P3H2: variants seen among roughly 807,000 people sequenced by gnomAD.
P3H2 encodes prolyl 3-hydroxylase 2.
P3H2 carries 80 observed loss-of-function variants against 87.0 expected under a neutral mutation model. The observed-to-expected ratio is 0.92, with a 90% CI of 0.77 to 1.11. The LOEUF is 1.11. Among genes scored for constraint, P3H2 ranks in the 50% least tolerant of loss-of-function variants. The pLI is 0.00. For missense variants in P3H2, 1,001 were observed against 923.9 expected, an observed-to-expected ratio of 1.08 and a Z score of -1.08; for synonymous variants, 367 against 359.3, an observed-to-expected ratio of 1.02 and a Z score of -0.24.
intron 1 of P3H2, among the ~76,000 whole-genome samples, chr3:190,075,743 G>C (rs955714666): frequency 2.0e-5 from 3 of 152,098 alleles, no homozygotes; most frequent in Non-Finnish European, 4.4e-5. Context: ...TGTACTTAGG[G>C]TACCTGAAAA....
At chr3:190,110,808 A>T (rs561319558) in intron 1 of P3H2, among the ~76,000 whole-genome samples, 2 of 152,330 alleles carry the variant, frequency 1.3e-5, no homozygotes, top group South Asian at 4.1e-4. Context: ...AAATTGGCTC[A>T]AATTTCCTGT....
chr3:190,056,904 A>C (rs552145555), intron 1 of P3H2, among the ~76,000 whole-genome samples: 1 of 152,282 alleles, frequency 6.6e-6, no homozygotes, highest in African/African-American at 2.4e-5. Context: ...ATGCTTCCCA[A>C]GCCTCAACTG....
intron 8 of P3H2, among the ~76,000 whole-genome samples, 166 bp downstream of exon 8, chr3:189,982,880 A>C (rs1252401280): frequency 2.0e-5 from 3 of 151,128 alleles, no homozygotes; most frequent in Non-Finnish European, 4.4e-5. Flanking sequence ...CAAATCTAAG[A>C]CTTTTTTTTT....
intron 1 of P3H2, among the ~76,000 whole-genome samples, chr3:190,068,681 G>A (rs1450830602): frequency 6.6e-6 from 1 of 152,072 alleles, no homozygotes; most frequent in Non-Finnish European, 1.5e-5. Context: ...AGTAGACAGA[G>A]CTGTTTCCTA....
chr3:190,100,815 G>A (rs778864212), intron 1 of P3H2, among the ~76,000 whole-genome samples: 8 of 152,038 alleles, frequency 5.3e-5, no homozygotes, highest in Non-Finnish European at 1.0e-4. Context: ...TACCGCTTCT[G>A]ATTGTGCTTC....
intron 1 of P3H2, among the ~76,000 whole-genome samples, chr3:190,118,794 T>C (rs1235728437): frequency 6.6e-6 from 1 of 151,986 alleles, no homozygotes; most frequent in African/African-American, 2.4e-5. Context: ...TGTACTTTCA[T>C]CTCCTTAGAA....
intron 8 of P3H2, among the ~76,000 whole-genome samples, chr3:189,978,022 T>A (rs1723405948): frequency 6.6e-6 from 1 of 152,214 alleles, no homozygotes; most frequent in African/African-American, 2.4e-5. Flanking sequence ...AGACAGGCAT[T>A]CCCTCGAATA....
rs532689177 is a variant in P3H2, at chr3:190,035,604, T to C, written c.481-40162A>G. Among the ~76,000 whole-genome samples the C allele has an allele frequency of 9.8e-5, 15 of 152,334 alleles. No homozygotes were observed. The South Asian group carries it at 3.1e-3, about 32-fold the overall frequency. On this transcript the variant is annotated intron_variant, in intron 1 of 14. Transcript: ENST00000319332. ...TATATAGCAATTTTCTGTCACCCAT[T>C]AATAATCTTATGCGTTTTATTTTTT...
rs710543 is a variant in P3H2, at chr3:189,972,115, A to G, written c.1700-108T>C. 0.93 allele frequency: 696,886 copies of G among 750,242 alleles called. 323,998 individuals carry two copies. The highest frequency in any genetic ancestry group is 0.94 in the Non-Finnish European group (387,240 of 410,038). 46.5% of individuals were successfully genotyped at this position (750,242 alleles called of 1,614,324 possible). On this transcript the variant is annotated intron_variant, in intron 11 of 14. Coordinates refer to ENST00000319332, the MANE Select transcript of P3H2 (RefSeq NM_018192.4). ...GTCCTGATGATCTTTGCAAATGGGC[A>G]GAGGCAGACAACAGGAAAGAACAGA... is the stretch of plus-strand genomic sequence containing the variant.
chr3:190,090,441 C>G (rs192090797), intron 1 of P3H2, among the ~76,000 whole-genome samples: 1 of 152,152 alleles, frequency 6.6e-6, no homozygotes, highest in Admixed American at 6.5e-5. Context: ...CGGTGGCTCA[C>G]GCCTGTAATC....
intron 1 of P3H2, among the ~76,000 whole-genome samples, chr3:190,002,561 C>T (rs1250807453): frequency 6.6e-6 from 1 of 152,012 alleles, no homozygotes; most frequent in Non-Finnish European, 1.5e-5. Flanking sequence ...CCAACACACC[C>T]GGCTAATTTT....
At chr3:190,105,807 A>G (rs960440658) in intron 1 of P3H2, among the ~76,000 whole-genome samples, 1 of 152,212 alleles carries the variant, frequency 6.6e-6, no homozygotes, top group Admixed American at 6.5e-5. Flanking sequence ...AACTGGCCCA[A>G]TGCTGCCCTA....
At chr3:190,095,555 T>A (rs1485698898) in intron 1 of P3H2, among the ~76,000 whole-genome samples, 4 of 150,016 alleles carry the variant, frequency 2.7e-5, no homozygotes, top group Admixed American at 1.3e-4. Flanking sequence ...TGAAGATATG[T>A]AATTTAGAGG....
intron 1 of P3H2, among the ~76,000 whole-genome samples, chr3:190,095,347 T>TATATAA (rs1727540825): frequency 9.0e-6 from 1 of 111,484 alleles, no homozygotes; most frequent in African/African-American, 3.2e-5. Context: ...TATATATATA[T>TATATAA]ATGGATTATC....
chr3:190,103,497 T>A (rs1206656874), intron 1 of P3H2, among the ~76,000 whole-genome samples: 1 of 152,224 alleles, frequency 6.6e-6, no homozygotes, highest in Non-Finnish European at 1.5e-5. Context: ...AAACCTTTGT[T>A]AACTATCTTA....
intron 1 of P3H2, among the ~76,000 whole-genome samples, chr3:190,029,498 C>A (rs1019882118): frequency 4.1e-5 from 6 of 147,666 alleles, no homozygotes; most frequent in Admixed American, 1.4e-4. Flanking sequence ...TGGTGACTTT[C>A]TTTTTTTTTT....
rs112941996 is a variant in P3H2, at chr3:190,108,152, A to AT, written c.480+12099dup. ...TAAATGGCAGGTTTCACACACCATA[A>AT]TTTTTTTTTTCTTTTTTGAGACATG... On this transcript the variant is annotated intron_variant, in intron 1 of 14. Transcript: ENST00000319332. Among the ~76,000 whole-genome samples the AT allele has an allele frequency of 9.8e-4, 146 of 149,424 alleles. No individual in the cohort carries two copies. The South Asian group carries it at 0.029, about 30-fold the overall frequency.
intron 1 of P3H2, among the ~76,000 whole-genome samples, chr3:190,073,722 T>G (rs538960405): frequency 5.9e-5 from 9 of 152,316 alleles, no homozygotes; most frequent in African/African-American, 2.2e-4. Context: ...CAGTGGTATA[T>G]ATACATCCAA....
chr3:190,099,526 A>G (rs1342557023), intron 1 of P3H2, among the ~76,000 whole-genome samples: 4 of 152,222 alleles, frequency 2.6e-5, no homozygotes, highest in African/African-American at 9.6e-5. Flanking sequence ...ACATAGCAAG[A>G]AAGATTCTGT....
Sources: allele counts gnomAD v4.1 joint callset (sites outside exome capture counted in the v4.1 genomes callset), GRCh38; gene constraint gnomAD v4.1.1; transcripts MANE v1.5; gene names NCBI Gene and HGNC (gene_info 2026-07-23, HGNC 2026-07-21).